FAM76A: variants seen among roughly 807,000 people sequenced by gnomAD.
FAM76A encodes protein FAM76A.
In FAM76A, 32 loss-of-function variants were observed where a neutral mutation model predicts 46.2. That is an observed-to-expected ratio of 0.69 (90% CI 0.52 to 0.93). FAM76A has a LOEUF of 0.93. Ranked by LOEUF, FAM76A falls within the 40% of genes least tolerant of loss-of-function variation. FAM76A has a pLI of 0.00. For missense variants in FAM76A, 274 were observed against 361.5 expected (o/e 0.76, Z 1.96); for synonymous variants, 137 against 127.0 (o/e 1.08, Z -0.53).
intron 3 of FAM76A, 22 bp downstream of exon 3, chr1:27,732,679 CTAACAG>C: frequency 6.3e-7 from 1 of 1,598,552 alleles, no homozygotes; most frequent in South Asian, 1.1e-5. Context: ...ATTTTCAAAC[CTAACAG>C]TGAGTACTAG....
chr1:27,734,101 C>G lies in FAM76A; in HGVS notation c.272C>G (p.Ser91Ter), dbSNP rs753718127. ...AATAAATGCCAGCGCTGCACAAATT[C>G]AGAAAAGAAGTATGGACCACCCTAT... ...IGNKCQRCTNSEKKYGPPYSC... is the reference protein window; with the variant it reads ...IGNKCQRCTN Residue 91 changes from serine to a stop codon, truncating the protein, a stop_gained, in exon 4 of 9, where the codon TCA becomes TGA. Transcript: ENST00000373954. LOFTEE classifies it high-confidence loss of function. 1 of 1,613,002 alleles carries G rather than the reference C, an allele frequency of 6.2e-7. No individual in the cohort carries two copies.
intron 6 of FAM76A, among the ~76,000 whole-genome samples, chr1:27,750,813 T>C (rs957861837): frequency 6.6e-6 from 1 of 152,236 alleles, no homozygotes; most frequent in Admixed American, 6.5e-5. Flanking sequence ...TTTCCTCAAG[T>C]AGAAAGCTGA....
At position 27,737,892 on chromosome 1, in the gene FAM76A, A is replaced by AC. The variant is rs1303492705; in HGVS notation, c.354+3710dup. 1.7e-4 allele frequency among the ~76,000 whole-genome samples: 24 copies of AC among 141,940 alleles called. No individual in the cohort carries two copies. The South Asian group carries it at 1.9e-3, about 11-fold the overall frequency. 93.1% of individuals were successfully genotyped at this position (141,940 alleles called of 152,430 possible). A position where few individuals can be genotyped will look rare whatever the true frequency, so the allele number is the denominator to read the frequency against. ...ACAAAAAAAAAAAAAAAAAAAAAAAACAGAAAAAAAAAATTAGCCAGGCGT... is the reference window on the plus strand; with the variant it reads ...ACAAAAAAAAAAAAAAAAAAAAAAAACCAGAAAAAAAAAATTAGCCAGGCGT... On this transcript the variant is annotated intron_variant, in intron 4 of 8. Transcript: ENST00000373954.
At chr1:27,732,709 C>T in intron 3 of FAM76A, 52 bp downstream of exon 3, 1 of 1,427,102 alleles carries the variant, frequency 7.0e-7, no homozygotes, top group Non-Finnish European at 9.7e-7. Context: ...CTTGTGGAAC[C>T]TTACCTTCTG....
At chr1:27,760,216 G>T (rs1433429157) in intron 8 of FAM76A, 2 of 371,654 alleles carry the variant, frequency 5.4e-6, no homozygotes, top group African/African-American at 4.2e-5. Flanking sequence ...TGTTTATCCA[G>T]CTCATGAAGT....
chr1:27,732,580 T>C (rs367801698), intron 2 of FAM76A, 23 bp from the exon 3 acceptor site: 2 of 1,596,836 alleles, frequency 1.3e-6, no homozygotes, highest in South Asian at 2.2e-5. Flanking sequence ...AAGAAAAGCC[T>C]GTGTCTCTTT....
At chr1:27,736,181 G>A (rs2088040846) in intron 4 of FAM76A, among the ~76,000 whole-genome samples, 2 of 152,026 alleles carry the variant, frequency 1.3e-5, no homozygotes, top group African/African-American at 4.8e-5. Flanking sequence ...AATTAACCGG[G>A]CGTGGTGGCG....
Position 27,734,029 on chromosome 1 carries a change from A to T in FAM76A, c.202-2A>T. On this transcript the variant is annotated splice_acceptor_variant, in intron 3 of 8. Transcript: ENST00000373954. LOFTEE classifies it high-confidence loss of function. The stretch of plus-strand genomic sequence containing the variant: ...TACTTGACTCTTTTTTCCCCTTTTA[A>T]GCCCAAACCTTGTCAGTATTGCAAC... The T allele has an allele frequency of 6.3e-7, 1 of 1,599,928 alleles. No individual in the cohort carries two copies. The highest frequency in any genetic ancestry group is 1.8e-5 in the Admixed American group (1 of 54,904).
intron 6 of FAM76A, among the ~76,000 whole-genome samples, chr1:27,754,099 C>CTTTTTTT (rs869275641): frequency 3.4e-5 from 3 of 87,526 alleles, no homozygotes; most frequent in African/African-American, 1.0e-4. Flanking sequence ...ACTATCCCTT[C>CTTTTTTT]TTTTTTTTTT....
intron 4 of FAM76A, among the ~76,000 whole-genome samples, chr1:27,737,986 G>A (rs773308028): frequency 2.9e-4 from 44 of 151,664 alleles, no homozygotes; most frequent in South Asian, 2.1e-4. Flanking sequence ...CTAGGAGTAC[G>A]AGGCTCCAGT....
At chr1:27,746,152 G>A (rs914458331) in intron 5 of FAM76A, among the ~76,000 whole-genome samples, 1 of 152,168 alleles carries the variant, frequency 6.6e-6, no homozygotes, top group Non-Finnish European at 1.5e-5. Context: ...CAGTGGCAGT[G>A]GAAGATTGAA....
chr1:27,754,578 G>A (rs555116347), intron 6 of FAM76A, among the ~76,000 whole-genome samples: 122 of 152,198 alleles, frequency 8.0e-4, no homozygotes, highest in Middle Eastern at 3.2e-3. Context: ...CAATGTTACA[G>A]AATTCCTGAT....
intron 4 of FAM76A, 27 bp from the exon 5 acceptor site, chr1:27,744,627 C>A (rs371269480): frequency 4.3e-6 from 7 of 1,611,790 alleles, no homozygotes; most frequent in African/African-American, 2.7e-5. Context: ...ATTCCCTCTT[C>A]TTTATCTTTG....
intron 7 of FAM76A, among the ~76,000 whole-genome samples, chr1:27,757,279 G>A (rs2088426566): frequency 8.0e-6 from 1 of 125,284 alleles, no homozygotes. Flanking sequence ...TGCAACCTCT[G>A]ACTCCTGGGT....
At chr1:27,737,868 C>CAAAAAAAAAAAAAAAAAA (rs71571865) in intron 4 of FAM76A, among the ~76,000 whole-genome samples, 71 of 62,690 alleles carry the variant, frequency 1.1e-3, no homozygotes, top group Admixed American at 1.6e-3. Flanking sequence ...ACAACAACAA[C>CAAAAAAAAAAAAAAAAAA]AAAAAAAAAA....
intron 4 of FAM76A, among the ~76,000 whole-genome samples, chr1:27,742,753 C>CA (rs771380811): frequency 7.2e-5 from 11 of 152,094 alleles, no homozygotes; most frequent in East Asian, 3.9e-4. Context: ...GTTCTCACCA[C>CA]AAAAAAACAA....
In FAM76A at chr1:27,744,607, A is replaced by G. The variant is rs1186523539; in HGVS notation, c.355-47A>G. On this transcript the variant is annotated intron_variant, in intron 4 of 8. Transcript: ENST00000373954. ...AGCTCCCAATACCACGTTTGCAGCC[A>G]CTGCGCTAAATTCCCTCTTCTTTAT... The G allele has an allele frequency of 3.1e-6, 5 of 1,601,762 alleles. No individual in the cohort carries two copies. In the African/African-American group the frequency reaches 6.7e-5, roughly 21 times the overall value.
chr1:27,739,798 A>C (rs1381829584), intron 4 of FAM76A, among the ~76,000 whole-genome samples: 1 of 151,610 alleles, frequency 6.6e-6, no homozygotes, highest in Non-Finnish European at 1.5e-5. Context: ...AAAAATGCAT[A>C]CTTGCTTTGA....
At chr1:27,731,198 ATTTTTTTT>A (rs34236376) in intron 2 of FAM76A, among the ~76,000 whole-genome samples, 7 of 109,828 alleles carry the variant, frequency 6.4e-5, no homozygotes, top group Non-Finnish European at 1.4e-4. Flanking sequence ...AGAAATCAGA[ATTTTTTTT>A]TTTTTTTTTT....
Sources: gnomAD v4.1 joint callset for allele counts (sites outside exome capture counted in the v4.1 genomes callset) on GRCh38, gnomAD v4.1.1 for gene constraint, MANE v1.5 for transcripts, NCBI Gene and HGNC (gene_info 2026-07-23, HGNC 2026-07-21) for gene names.